The following KIF1B variants were observed in gnomAD, a reference collection of about 807,000 sequenced individuals.
KIF1B encodes kinesin-like protein KIF1B.
In KIF1B, 76 loss-of-function variants were observed where a neutral mutation model predicts 241.9. The observed-to-expected ratio is 0.31, with a 90% CI of 0.26 to 0.38. The LOEUF is 0.38. Among genes scored for constraint, KIF1B ranks in the 10% least tolerant of loss-of-function variants. The pLI, the probability that KIF1B is intolerant of heterozygous loss-of-function variation, is 1.00. For synonymous variants in KIF1B, 750 were observed against 796.7 expected (o/e 0.94, Z 0.99); for missense variants, 1,622 against 2,271.4 (o/e 0.71, Z 5.81).
rs201972921 is a variant in KIF1B at position 10,364,075 on chromosome 1, A to G, written c.4366+731A>G. Among the ~76,000 whole-genome samples, 9 of 152,300 alleles carry G rather than the reference A, an allele frequency of 5.9e-5. No homozygotes were observed. The East Asian group carries it at 1.5e-3, about 26-fold the overall frequency. On this transcript the variant is annotated intron_variant, in intron 41 of 48. Transcript: ENST00000676179. ...TAAAACCAGCATAATACTAAAAAAA[A>G]TTAACAGGAAATAATAGAGGCTAAA...
At chr1:10,346,103 G>T (rs1388105885) in intron 35 of KIF1B, 150 bp downstream of exon 35, 3 of 696,492 alleles carry the variant, frequency 4.3e-6, no homozygotes, top group Non-Finnish European at 7.7e-6. Flanking sequence ...TAATAGAGAT[G>T]CAGTCTTGTT....
At chr1:10,267,177 C>T (rs1648512675) in intron 5 of KIF1B, among the ~76,000 whole-genome samples, 1 of 152,054 alleles carries the variant, frequency 6.6e-6, no homozygotes, top group African/African-American at 2.4e-5. Flanking sequence ...TGCCACCACG[C>T]CTGGCTCCTT....
chr1:10,213,332 G>A (rs1378355141), intron 1 of KIF1B, among the ~76,000 whole-genome samples: 1 of 152,088 alleles, frequency 6.6e-6, no homozygotes, highest in Non-Finnish European at 1.5e-5. Context: ...AGCTTTTAAG[G>A]CTTAGAACAG....
In KIF1B at chr1:10,270,535, G is replaced by A. The variant is rs1648731896; in HGVS notation, c.721-967G>A. Among the ~76,000 whole-genome samples the A allele has an allele frequency of 2.6e-5, 4 of 152,304 alleles. No individual in the cohort carries two copies. The South Asian group carries it at 8.3e-4, about 32-fold the overall frequency. ...TTTGATTATTACAAACGAAGCTGAT[G>A]TGAACATTTGTGTACAAGTCTTTGT... On this transcript the variant is annotated intron_variant, in intron 7 of 48. Coordinates refer to ENST00000676179, the MANE Select transcript of KIF1B (RefSeq NM_001365951.3).
intron 39 of KIF1B, 97 bp downstream of exon 39, chr1:10,361,140 G>C (rs1258254213): frequency 1.2e-6 from 1 of 820,182 alleles, no homozygotes. Context: ...CACTTGTTTT[G>C]TCCTCTTTCT....
At chr1:10,241,249 TACA>T (rs1647133243) in intron 2 of KIF1B, among the ~76,000 whole-genome samples, 1 of 151,874 alleles carries the variant, frequency 6.6e-6, no homozygotes. Flanking sequence ...TAGCTGGGGC[TACA>T]GCCACCACAC....
chr1:10,362,516 A>C (rs1355403315), intron 40 of KIF1B, among the ~76,000 whole-genome samples: 5 of 151,116 alleles, frequency 3.3e-5, no homozygotes, highest in African/African-American at 7.3e-5. Flanking sequence ...AAAAAAAAAA[A>C]AGAAAGAAAC....
intron 2 of KIF1B, among the ~76,000 whole-genome samples, chr1:10,254,667 G>C (rs1319078966): frequency 2.6e-5 from 4 of 151,806 alleles, no homozygotes; most frequent in Non-Finnish European, 5.9e-5. Context: ...ACAAGGTCAG[G>C]AGATCAAGAC....
At chr1:10,346,729 G>T (rs200252838) in intron 35 of KIF1B, among the ~76,000 whole-genome samples, 1 of 152,204 alleles carries the variant, frequency 6.6e-6, no homozygotes, top group East Asian at 1.9e-4. Flanking sequence ...GGAGCATATT[G>T]CATAGAATAT....
chr1:10,312,951 T>C (rs1029335697), intron 22 of KIF1B, among the ~76,000 whole-genome samples: 52 of 151,684 alleles, frequency 3.4e-4, no homozygotes, highest in Admixed American at 2.2e-3. Context: ...GGTTTAAAAA[T>C]CATGCTCTGG....
Position 10,376,637 on chromosome 1 carries a change from T to A in KIF1B, c.*50T>A. The stretch of plus-strand genomic sequence containing the variant: ...CGCCTTCGAGAGATAAAGAAAGCGT[T>A]ACCTCTCATTTCTCTTTGTGATTCT... On this transcript the variant is annotated 3_prime_UTR_variant, in exon 49 of 49. Coordinates refer to ENST00000676179, the MANE Select transcript of KIF1B (RefSeq NM_001365951.3). The A allele has an allele frequency of 6.5e-7, 1 of 1,540,528 alleles. No homozygotes were observed. The highest frequency in any genetic ancestry group is 1.1e-5 in the South Asian group (1 of 89,466).
At chr1:10,266,268 CTATT>C (rs369986398) in intron 5 of KIF1B, among the ~76,000 whole-genome samples, 13 of 152,304 alleles carry the variant, frequency 8.5e-5, no homozygotes, top group African/African-American at 2.4e-4. Flanking sequence ...ATTCGCAAGA[CTATT>C]TAATATATTT....
At chr1:10,213,091 A>G (rs1009385434) in intron 1 of KIF1B, among the ~76,000 whole-genome samples, 5 of 151,876 alleles carry the variant, frequency 3.3e-5, no homozygotes, top group South Asian at 2.1e-4. Flanking sequence ...GTATGAGAGA[A>G]ATACAGAATG....
At chr1:10,363,177 T>C (rs1638470740) in intron 40 of KIF1B, 106 bp from the exon 41 acceptor site, 7 of 806,528 alleles carry the variant, frequency 8.7e-6, no homozygotes, top group East Asian at 5.2e-5. Flanking sequence ...CCTGGAATTA[T>C]ATTTGAGTCC....
At chr1:10,216,640 G>A (rs1335881452) in intron 1 of KIF1B, among the ~76,000 whole-genome samples, 2 of 151,984 alleles carry the variant, frequency 1.3e-5, no homozygotes, top group African/African-American at 4.8e-5. Flanking sequence ...GGTCCCTGTC[G>A]GAGCAGTTCT....
intron 4 of KIF1B, among the ~76,000 whole-genome samples, chr1:10,260,691 C>T (rs774001563): frequency 1.3e-5 from 2 of 151,548 alleles, no homozygotes; most frequent in East Asian, 2.0e-4. Context: ...ATGGTGAAAC[C>T]CCGTGTCTAC....
chr1:10,306,418 A>G (rs926557855), intron 22 of KIF1B: 12 of 1,015,194 alleles, frequency 1.2e-5, no homozygotes, highest in African/African-American at 3.4e-5. Flanking sequence ...TGTGCTAACT[A>G]TTCCTTTCTA....
chr1:10,367,376 G>A (rs1638605250), intron 43 of KIF1B, among the ~76,000 whole-genome samples: 1 of 151,838 alleles, frequency 6.6e-6, no homozygotes, highest in African/African-American at 2.4e-5. Context: ...GATTACAGGT[G>A]TGTGGACGCC....
chr1:10,308,850 C>T (rs1318243087), intron 22 of KIF1B, among the ~76,000 whole-genome samples: 1 of 152,176 alleles, frequency 6.6e-6, no homozygotes, highest in Admixed American at 6.5e-5. Flanking sequence ...TACATAAAAT[C>T]TTTTCTCACA....
Sources: gnomAD v4.1 joint callset for allele counts (sites outside exome capture counted in the v4.1 genomes callset) on GRCh38, gnomAD v4.1.1 for gene constraint, MANE v1.5 for transcripts, NCBI Gene and HGNC (gene_info 2026-07-23, HGNC 2026-07-21) for gene names.